The following PCDHA11 variants were observed in gnomAD, a reference collection of about 807,000 sequenced individuals.
The protein encoded by PCDHA11 is protocadherin alpha-11.
PCDHA11 carries 61 observed loss-of-function variants against 70.3 expected under a neutral mutation model. That is an observed-to-expected ratio of 0.87 (90% CI 0.71 to 1.07). The LOEUF is 1.07. PCDHA11 is among the 50% of genes least tolerant of loss of function. PCDHA11 has a pLI of 0.00. For missense variants in PCDHA11, 1,324 were observed against 1,237.5 expected, an observed-to-expected ratio of 1.07 and a Z score of -1.05; for synonymous variants, 633 against 555.1, an observed-to-expected ratio of 1.14 and a Z score of -1.97.
rs1446529645 is a variant in PCDHA11, at chr5:140,923,539, C to CA, written c.2391+52049dup. ...GTGAGATTCTGTCCCAAAAAAAGGA[C>CA]AAAATGAAATATCAGCAATGAAAGG... On this transcript the variant is annotated intron_variant, in intron 1 of 3. Coordinates refer to ENST00000398640, the MANE Select transcript of PCDHA11 (RefSeq NM_018902.5). 3.3e-5 allele frequency among the ~76,000 whole-genome samples: 5 copies of CA among 152,090 alleles called. No individual in the cohort carries two copies. The South Asian group carries it at 8.3e-4, about 25-fold the overall frequency.
At chr5:140,984,371 C>T (rs2097099528) in intron 3 of PCDHA11, among the ~76,000 whole-genome samples, 1 of 152,150 alleles carries the variant, frequency 6.6e-6, no homozygotes, top group African/African-American at 2.4e-5. Flanking sequence ...TGGCCAAGTC[C>T]CTCTTTCAGA....
chr5:140,869,144 T>A lies in PCDHA11; in HGVS notation c.41T>A (p.Leu14Gln). 6.2e-7 allele frequency: 1 copy of A among 1,613,654 alleles called. No homozygotes were observed. The highest frequency in any genetic ancestry group is 8.5e-7 in the Non-Finnish European group (1 of 1,179,668). The change falls in exon 1 of 4, where the codon CTA (leucine) becomes CAA (glutamine). Residue 14 changes from leucine (L) to glutamine (Q), a missense_variant. Transcript: ENST00000398640. ...AGAAGGGGATTGGGCACCCCACGAC[T>A]ACAGCTCTGGCTTCTCCTCCTCGAA... ...FQRRGLGTPR[L>Q]QLWLLLLEFW...
chr5:140,910,737 G>A (rs1405978966), intron 1 of PCDHA11, among the ~76,000 whole-genome samples: 2 of 152,008 alleles, frequency 1.3e-5, no homozygotes, highest in African/African-American at 4.8e-5. Context: ...AGCTAACCAA[G>A]CACATAAATT....
chr5:140,966,313 C>G, intron 1 of PCDHA11: 1 of 386,824 alleles, frequency 2.6e-6, no homozygotes. Flanking sequence ...CGTGTTCCTG[C>G]GGTCCGCTGG....
chr5:140,928,892 T>C, intron 1 of PCDHA11: 1 of 1,614,198 alleles, frequency 6.2e-7, no homozygotes, highest in Non-Finnish European at 8.5e-7. Flanking sequence ...CTTCCAGACT[T>C]TGAAGATGTC....
intron 1 of PCDHA11, chr5:140,876,879 G>T (rs782299548): frequency 6.2e-7 from 1 of 1,614,150 alleles, no homozygotes; most frequent in Non-Finnish European, 8.5e-7. Context: ...AGAACAACCC[G>T]CCGGGCTGCC....
At chr5:140,926,707 C>A in intron 1 of PCDHA11, 5 of 886,092 alleles carry the variant, frequency 5.6e-6, no homozygotes, top group Non-Finnish European at 7.9e-6. Context: ...TCCCAGCTGG[C>A]CAGCCCCGGC....
rs1554162580 is a variant in PCDHA11, at chr5:140,869,184, G to A, written c.81G>A (p.Gly27=). 44 of 1,613,836 alleles carry A rather than the reference G, an allele frequency of 2.7e-5. No homozygotes were observed. The highest frequency in any genetic ancestry group is 3.7e-5 in the Non-Finnish European group (44 of 1,179,916). The change falls in exon 1 of 4, where the codon GGG becomes GGA. Residue 27 remains glycine (G), a synonymous_variant. Coordinates refer to ENST00000398640, the MANE Select transcript of PCDHA11 (RefSeq NM_018902.5). ...TCCTCCTCGAATTCTGGGAGGTGGG[G>A]AGCGGCCAGCTCCACTACTCCGTCT... The part of the protein sequence containing the change: ...WLLLLEFWEV[G]SGQLHYSVSE...
intron 1 of PCDHA11, among the ~76,000 whole-genome samples, chr5:140,899,434 A>G (rs1583342387): frequency 6.6e-6 from 1 of 152,206 alleles, no homozygotes; most frequent in East Asian, 1.9e-4. Flanking sequence ...TCTTTTCTGC[A>G]TCTATTGAGA....
intron 1 of PCDHA11, chr5:140,884,055 C>T (rs782119019): frequency 2.2e-5 from 36 of 1,613,356 alleles, no homozygotes; most frequent in Non-Finnish European, 1.7e-6. Flanking sequence ...AAGGTGCGCG[C>T]GGTGGACGCC....
chr5:140,950,708 T>A (rs1554219597), intron 1 of PCDHA11, among the ~76,000 whole-genome samples: 1 of 152,068 alleles, frequency 6.6e-6, no homozygotes, highest in East Asian at 1.9e-4. Context: ...AAATTTTTGT[T>A]CCTTATATCC....
rs202164332 is a variant in PCDHA11, at chr5:140,870,592, C to A, written c.1489C>A (p.Arg497=). 2 of 1,613,554 alleles carry A rather than the reference C, an allele frequency of 1.2e-6. No homozygotes were observed. The highest frequency in any genetic ancestry group is 1.3e-5 in the African/African-American group (1 of 75,054). ...GGTGTCCTACTCGCTGGTGGAGCGGCGGTTGGGCGACCGCGCGCTGTCGAG... is the reference window on the plus strand; with the variant it reads ...GGTGTCCTACTCGCTGGTGGAGCGGAGGTTGGGCGACCGCGCGCTGTCGAG... ...ALVSYSLVER[R]LGDRALSSYV... is the part of the protein sequence containing the mutation. The change falls in exon 1 of 4, where the codon CGG becomes AGG. Residue 497 remains arginine (R), a synonymous_variant. Transcript: ENST00000398640.
rs140457638 is a variant in PCDHA11, at chr5:140,883,730, G to T, written c.2391+12236G>T. On this transcript the variant is annotated intron_variant, in intron 1 of 3. Coordinates refer to ENST00000398640, the MANE Select transcript of PCDHA11 (RefSeq NM_018902.5). ...TCAGGACGCGGACGCACAGGAGAAC[G>T]CGCTGGTCTCCTACTCGCTGGTGGA... 4.3e-6 allele frequency: 7 copies of T among 1,613,530 alleles called. No homozygotes were observed. The East Asian group carries it at 1.6e-4, about 36-fold the overall frequency.
intron 1 of PCDHA11, among the ~76,000 whole-genome samples, chr5:140,910,210 G>A (rs987095100): frequency 6.6e-6 from 1 of 152,120 alleles, no homozygotes; most frequent in Non-Finnish European, 1.5e-5. Context: ...ACTTGACCTG[G>A]AAGTTTTCTG....
intron 1 of PCDHA11, among the ~76,000 whole-genome samples, chr5:140,961,599 G>T (rs1012408317): frequency 6.6e-6 from 1 of 152,062 alleles, no homozygotes; most frequent in African/African-American, 2.4e-5. Context: ...AATGATTCTA[G>T]TAAATGAAAC....
At chr5:140,976,080 A>G (rs1487401919) in intron 1 of PCDHA11, among the ~76,000 whole-genome samples, 1 of 152,226 alleles carries the variant, frequency 6.6e-6, no homozygotes, top group African/African-American at 2.4e-5. Flanking sequence ...TGTGTCAGAT[A>G]TATCAGTAGT....
At chr5:140,956,356 T>C (rs1283114496) in intron 1 of PCDHA11, among the ~76,000 whole-genome samples, 3 of 152,218 alleles carry the variant, frequency 2.0e-5, no homozygotes, top group Non-Finnish European at 4.4e-5. Flanking sequence ...ATTTTTAACA[T>C]GAAGGGATGT....
At chr5:140,913,440 T>A (rs2076337142) in intron 1 of PCDHA11, among the ~76,000 whole-genome samples, 1 of 152,224 alleles carries the variant, frequency 6.6e-6, no homozygotes, top group Non-Finnish European at 1.5e-5. Context: ...GCCTCCTTTT[T>A]CAGCTCCGAT....
chr5:140,959,834 G>A (rs1223310946), intron 1 of PCDHA11, among the ~76,000 whole-genome samples: 1 of 152,144 alleles, frequency 6.6e-6, no homozygotes, highest in African/African-American at 2.4e-5. Context: ...AATGTATTAT[G>A]CCTGTAACTG....
Sources: allele counts gnomAD v4.1 joint callset (sites outside exome capture counted in the v4.1 genomes callset), GRCh38; gene constraint gnomAD v4.1.1; transcripts MANE v1.5; gene names NCBI Gene and HGNC (gene_info 2026-07-23, HGNC 2026-07-21).